The following AGBL4 variants were observed in gnomAD, a reference collection of about 807,000 sequenced individuals.
AGBL4 encodes AGBL carboxypeptidase 4.
Under a neutral mutation model 66.4 loss-of-function variants are expected in AGBL4, and 58 were observed. The observed-to-expected ratio is 0.87, with a 90% CI of 0.71 to 1.09. The LOEUF is 1.09. Among genes scored for constraint, AGBL4 ranks in the 50% least tolerant of loss-of-function variants. The pLI, the probability that AGBL4 is intolerant of heterozygous loss-of-function variation, is 0.00. For missense variants in AGBL4, 579 were observed against 631.0 expected (o/e 0.92, Z 0.88); for synonymous variants, 234 against 222.9 (o/e 1.05, Z -0.44).
chr1:48,979,216 A>G (rs535405337), intron 5 of AGBL4, among the ~76,000 whole-genome samples: 9 of 152,298 alleles, frequency 5.9e-5, no homozygotes, highest in Non-Finnish European at 1.3e-4. Flanking sequence ...CTTTTCCTCA[A>G]ATAATTGACC....
At chr1:49,562,048 C>G (rs1021742337) in intron 3 of AGBL4, among the ~76,000 whole-genome samples, 5 of 152,158 alleles carry the variant, frequency 3.3e-5, no homozygotes, top group Admixed American at 6.6e-5. Context: ...TTGCATTTCT[C>G]TGATGGCCAG....
intron 6 of AGBL4, among the ~76,000 whole-genome samples, chr1:48,832,120 A>T (rs1236958498): frequency 6.6e-6 from 1 of 152,182 alleles, no homozygotes. Flanking sequence ...GTGCAGTAGG[A>T]TCAAGAAGTC....
At chr1:49,628,547 G>T (rs866152249) in intron 3 of AGBL4, among the ~76,000 whole-genome samples, 107 of 152,124 alleles carry the variant, frequency 7.0e-4, no homozygotes, top group African/African-American at 2.4e-3. Flanking sequence ...AGAGGATGGG[G>T]TTCCTAAATC....
intron 3 of AGBL4, among the ~76,000 whole-genome samples, chr1:49,350,891 C>T (rs1645739799): frequency 6.6e-6 from 1 of 152,092 alleles, no homozygotes. Flanking sequence ...AAATTTATTT[C>T]AGCTTTAGGT....
chr1:49,948,382 TATATATAA>T (rs1354812727), intron 1 of AGBL4, among the ~76,000 whole-genome samples: 26 of 116,842 alleles, frequency 2.2e-4, no homozygotes, highest in South Asian at 4.7e-4. Flanking sequence ...AATATATAAA[TATATATAA>T]ATATATAAAT....
intron 6 of AGBL4, among the ~76,000 whole-genome samples, chr1:48,747,908 T>C (rs996805662): frequency 6.6e-6 from 1 of 152,226 alleles, no homozygotes; most frequent in Admixed American, 6.5e-5. Flanking sequence ...GTTAATAATA[T>C]TCGATTCTTT....
rs1650263911 is a variant in AGBL4 at position 49,739,778 on chromosome 1, C to G, written c.158-42341G>C. Among the ~76,000 whole-genome samples the G allele has an allele frequency of 2.6e-5, 4 of 152,146 alleles. No homozygotes were observed. In the South Asian group the frequency reaches 8.3e-4, roughly 32 times the overall value. ...TTCTTAAAGAAAAGAATTTTCAACC[C>G]AGAATTTCATAACCAGCCAAACTAA... On this transcript the variant is annotated intron_variant, in intron 2 of 13. Coordinates refer to ENST00000371839, the MANE Select transcript of AGBL4 (RefSeq NM_032785.4).
At chr1:49,476,310 C>T (rs1003523882) in intron 3 of AGBL4, among the ~76,000 whole-genome samples, 1 of 133,958 alleles carries the variant, frequency 7.5e-6, no homozygotes, top group African/African-American at 2.5e-5. Flanking sequence ...TTCACTGAGA[C>T]TTGCTTTATG....
intron 12 of AGBL4, among the ~76,000 whole-genome samples, chr1:48,536,005 C>T (rs1643964962): frequency 6.6e-6 from 1 of 152,014 alleles, no homozygotes; most frequent in African/African-American, 2.4e-5. Context: ...CCAGAGAAGC[C>T]AGACATGCAT....
At chr1:49,075,144 C>T (rs780261989) in intron 4 of AGBL4, among the ~76,000 whole-genome samples, 19 of 152,040 alleles carry the variant, frequency 1.2e-4, no homozygotes, top group South Asian at 2.1e-4. Context: ...TTTGTGTATA[C>T]GTTCATGTCT....
intron 1 of AGBL4, among the ~76,000 whole-genome samples, chr1:49,883,283 A>G (rs901355246): frequency 3.3e-5 from 5 of 152,092 alleles, no homozygotes; most frequent in African/African-American, 1.2e-4. Flanking sequence ...ATTTGCCTGG[A>G]TATATGCATA....
intron 2 of AGBL4, among the ~76,000 whole-genome samples, chr1:49,796,617 T>C (rs1644736778): frequency 1.3e-5 from 2 of 151,510 alleles, no homozygotes; most frequent in South Asian, 4.2e-4. Flanking sequence ...CAAAAAAAAT[T>C]ACACTCTATA....
intron 4 of AGBL4, among the ~76,000 whole-genome samples, chr1:49,108,731 G>T (rs911928597): frequency 1.3e-5 from 2 of 152,142 alleles, no homozygotes; most frequent in African/African-American, 4.8e-5. Flanking sequence ...AACATAACAT[G>T]AATTTTTTAA....
chr1:48,635,806 T>C (rs1645659426), intron 8 of AGBL4, among the ~76,000 whole-genome samples: 1 of 152,170 alleles, frequency 6.6e-6, no homozygotes, highest in African/African-American at 2.4e-5. Context: ...ATACCAACCA[T>C]TCTCTGTGCT....
intron 6 of AGBL4, among the ~76,000 whole-genome samples, chr1:48,698,897 A>G (rs927343392): frequency 2.6e-5 from 4 of 152,224 alleles, no homozygotes; most frequent in South Asian, 2.1e-4. Flanking sequence ...GTTTAAACCT[A>G]GGTCCAGCTG....
chr1:49,399,454 C>A (rs1291094284), intron 3 of AGBL4, among the ~76,000 whole-genome samples: 5 of 152,222 alleles, frequency 3.3e-5, no homozygotes, highest in East Asian at 1.9e-4. Context: ...AATTTACATT[C>A]TCGCCAAAAG....
rs148514280 is a variant in AGBL4 at position 49,292,704 on chromosome 1, G to A, written c.283-46840C>T. ...GCTGCAGACATCAGGATTACCTGCTGCAGAGAGGAGCTACCCACTCCAGGG... is the reference window on the plus strand; with the variant it reads ...GCTGCAGACATCAGGATTACCTGCTACAGAGAGGAGCTACCCACTCCAGGG... On this transcript the variant is annotated intron_variant, in intron 3 of 13. Transcript: ENST00000371839. Among the ~76,000 whole-genome samples the A allele has an allele frequency of 3.7e-3, 567 of 152,196 alleles. 3 individuals carry two copies. Among genetic ancestry groups the A allele is most frequent in the African/African-American group, 0.013 (530 of 41,514 alleles).
intron 3 of AGBL4, among the ~76,000 whole-genome samples, chr1:49,396,505 T>C (rs1644978760): frequency 6.6e-6 from 1 of 152,140 alleles, no homozygotes; most frequent in South Asian, 2.1e-4. Flanking sequence ...CACTAGGAAT[T>C]AGTGTGGGAA....
chr1:49,123,480 G>A (rs781061479), intron 4 of AGBL4, among the ~76,000 whole-genome samples: 5 of 152,150 alleles, frequency 3.3e-5, no homozygotes, highest in Non-Finnish European at 5.9e-5. Context: ...ATATTCTAAA[G>A]TTTATCTTTG....
Sources: gnomAD v4.1 joint callset for allele counts (sites outside exome capture counted in the v4.1 genomes callset) on GRCh38, gnomAD v4.1.1 for gene constraint, MANE v1.5 for transcripts, NCBI Gene and HGNC (gene_info 2026-07-23, HGNC 2026-07-21) for gene names.